The following LUZP2 variants were observed in gnomAD, a reference collection of about 807,000 sequenced individuals.
The protein encoded by LUZP2 is leucine zipper protein 2.
LUZP2 carries 52 observed loss-of-function variants against 51.6 expected under a neutral mutation model. The observed-to-expected ratio is 1.01, with a 90% CI of 0.81 to 1.27. The LOEUF (loss-of-function observed/expected upper bound fraction) is 1.27, where lower values mean the gene tolerates loss of function less well. Ranked by LOEUF, LUZP2 falls within the 50% of genes most tolerant of loss-of-function variation. LUZP2 has a pLI of 0.00. For synonymous variants in LUZP2, 154 were observed against 137.3 expected, an observed-to-expected ratio of 1.12 and a Z score of -0.85; for missense variants, 436 against 395.4, an observed-to-expected ratio of 1.10 and a Z score of -0.87.
intron 1 of LUZP2, among the ~76,000 whole-genome samples, chr11:24,569,852 T>A (rs59396769): frequency 0.16 from 24,416 of 150,226 alleles, 2,222 homozygotes; most frequent in African/African-American, 0.24. Context: ...ATCACTTTTT[T>A]AAAAAAATTT....
rs547231221 is a variant in LUZP2, at chr11:25,076,621, AG to A, written c.859-706del. Among the ~76,000 whole-genome samples the A allele has an allele frequency of 2.3e-4, 31 of 134,878 alleles. No individual in the cohort carries two copies. In the South Asian group the frequency reaches 7.8e-3, roughly 34 times the overall value. 88.5% of individuals were successfully genotyped at this position (134,878 alleles called of 152,430 possible). ...AGGGAACTAAGGAAGGAATGAAGGA[AG>A]GAAGGGAGGAAGGGAAAAAGAGGGA... On this transcript the variant is annotated intron_variant, in intron 10 of 11. Coordinates refer to ENST00000336930, the MANE Select transcript of LUZP2 (RefSeq NM_001009909.4).
chr11:25,039,726 C>T (rs1217616134), intron 9 of LUZP2, among the ~76,000 whole-genome samples: 1 of 152,156 alleles, frequency 6.6e-6, no homozygotes, highest in African/African-American at 2.4e-5. Context: ...TCCCTTCACT[C>T]GTATCTTCCT....
chr11:24,730,272 G>A (rs1022268244), intron 2 of LUZP2, among the ~76,000 whole-genome samples: 7 of 151,696 alleles, frequency 4.6e-5, no homozygotes, highest in Admixed American at 6.6e-5. Flanking sequence ...TTTCATAGGT[G>A]AGAAAACAGA....
intron 5 of LUZP2, among the ~76,000 whole-genome samples, chr11:24,863,069 G>T (rs1851787043): frequency 3.3e-5 from 5 of 152,168 alleles, no homozygotes; most frequent in Admixed American, 3.3e-4. Flanking sequence ...AGGTAAGGAT[G>T]TGAGGAAATA....
intron 9 of LUZP2, among the ~76,000 whole-genome samples, chr11:24,991,846 G>T (rs1187082218): frequency 1.3e-5 from 2 of 151,900 alleles, no homozygotes; most frequent in South Asian, 2.1e-4. Context: ...TTTCATATTT[G>T]TTGGCCATTT....
intron 5 of LUZP2, among the ~76,000 whole-genome samples, chr11:24,765,362 G>C (rs1324338375): frequency 1.3e-5 from 2 of 152,128 alleles, no homozygotes; most frequent in Admixed American, 1.3e-4. Flanking sequence ...GAAGAAGTTT[G>C]AAATCCACTA....
intron 1 of LUZP2, among the ~76,000 whole-genome samples, chr11:24,576,178 A>T (rs1195168659): frequency 1.3e-5 from 2 of 151,958 alleles, no homozygotes; most frequent in South Asian, 2.1e-4. Context: ...TTTGGGATGC[A>T]GAGGCAGGTG....
intron 6 of LUZP2, among the ~76,000 whole-genome samples, chr11:24,911,603 C>G (rs1005794073): frequency 6.6e-6 from 1 of 152,094 alleles, no homozygotes; most frequent in Admixed American, 6.5e-5. Context: ...TATAAGTGTC[C>G]TGAGGCCTCC....
intron 1 of LUZP2, among the ~76,000 whole-genome samples, chr11:24,498,030 G>A (rs1284332395): frequency 2.0e-5 from 3 of 152,166 alleles, no homozygotes; most frequent in Non-Finnish European, 2.9e-5. Context: ...ATTTTTGGTG[G>A]AGATTTAAAA....
intron 7 of LUZP2, among the ~76,000 whole-genome samples, chr11:24,916,451 A>G (rs1344846347): frequency 1.3e-5 from 2 of 151,836 alleles, no homozygotes; most frequent in South Asian, 4.2e-4. Flanking sequence ...CATCATTTAC[A>G]TTAGGTGTAT....
chr11:24,844,780 A>G (rs983038210), intron 5 of LUZP2, among the ~76,000 whole-genome samples: 6 of 152,180 alleles, frequency 3.9e-5, no homozygotes, highest in South Asian at 2.1e-4. Context: ...AACTCGGGCC[A>G]TGGCTTCAGA....
intron 6 of LUZP2, among the ~76,000 whole-genome samples, chr11:24,911,235 GTTGGAC>G (rs775657038): frequency 4.3e-4 from 66 of 152,170 alleles, no homozygotes; most frequent in Admixed American, 5.2e-4. Context: ...CAGATGAGAT[GTTGGAC>G]TTGGACTTTT....
intron 1 of LUZP2, among the ~76,000 whole-genome samples, chr11:24,684,988 G>C (rs2133876782): frequency 6.6e-6 from 1 of 151,934 alleles, no homozygotes; most frequent in African/African-American, 2.4e-5. Flanking sequence ...ATGCTTATGT[G>C]CTTCTCTTAA....
chr11:24,890,141 G>A (rs1852799778), intron 5 of LUZP2, among the ~76,000 whole-genome samples: 1 of 152,084 alleles, frequency 6.6e-6, no homozygotes. Context: ...TGTATAATCT[G>A]TAACATGTAA....
chr11:24,616,792 T>C (rs1042626618), intron 1 of LUZP2, among the ~76,000 whole-genome samples: 2 of 152,178 alleles, frequency 1.3e-5, no homozygotes, highest in Non-Finnish European at 2.9e-5. Flanking sequence ...TTACATCTCC[T>C]GCCTTTCCAT....
intron 1 of LUZP2, among the ~76,000 whole-genome samples, chr11:24,575,386 G>T (rs1051308491): frequency 5.3e-5 from 8 of 151,988 alleles, no homozygotes; most frequent in Non-Finnish European, 1.0e-4. Context: ...TATTTGATCT[G>T]CATATTTTAG....
chr11:24,648,403 A>T (rs1855525802), intron 1 of LUZP2, among the ~76,000 whole-genome samples: 1 of 151,962 alleles, frequency 6.6e-6, no homozygotes, highest in Non-Finnish European at 1.5e-5. Flanking sequence ...CTACATATTT[A>T]GGGAATTTGT....
chr11:24,676,592 T>C (rs557893791), intron 1 of LUZP2, among the ~76,000 whole-genome samples: 3 of 152,148 alleles, frequency 2.0e-5, no homozygotes, highest in Non-Finnish European at 4.4e-5. Flanking sequence ...GCACTAAACT[T>C]TTCTTAGTGG....
At chr11:24,861,133 C>G (rs1042004554) in intron 5 of LUZP2, among the ~76,000 whole-genome samples, 1 of 152,072 alleles carries the variant, frequency 6.6e-6, no homozygotes, top group African/African-American at 2.4e-5. Flanking sequence ...CTGAAAAACA[C>G]AGCATGAGAA....
Sources: allele counts gnomAD v4.1 joint callset (sites outside exome capture counted in the v4.1 genomes callset), GRCh38; gene constraint gnomAD v4.1.1; transcripts MANE v1.5; gene names NCBI Gene and HGNC (gene_info 2026-07-23, HGNC 2026-07-21).